The following VAV3 variants were observed in gnomAD, a reference collection of about 807,000 sequenced individuals.
VAV3 encodes the protein vav guanine nucleotide exchange factor 3.
VAV3 carries 94 observed loss-of-function variants against 131.2 expected under a neutral mutation model. The ratio of observed to expected loss-of-function variants is 0.72; its 90% confidence interval spans 0.61 to 0.85. The LOEUF (loss-of-function observed/expected upper bound fraction) is 0.85, where lower values mean the gene tolerates loss of function less well. Among genes scored for constraint, VAV3 ranks in the 40% least tolerant of loss-of-function variants. The pLI is 0.00. For missense variants in VAV3, 939 were observed against 1,002.7 expected (o/e 0.94, Z 0.86); for synonymous variants, 349 against 342.0 (o/e 1.02, Z -0.22).
At chr1:107,954,913 C>T (rs1275942288) in intron 1 of VAV3, among the ~76,000 whole-genome samples, 2 of 152,140 alleles carry the variant, frequency 1.3e-5, no homozygotes, top group African/African-American at 4.8e-5. Flanking sequence ...GTTACTAAAC[C>T]CCTCTTAGCT....
At chr1:107,704,205 C>T (rs527407278) in intron 17 of VAV3, among the ~76,000 whole-genome samples, 12 of 152,196 alleles carry the variant, frequency 7.9e-5, no homozygotes, top group African/African-American at 2.9e-4. Flanking sequence ...TATATTCTTT[C>T]TGTTGTTTTT....
chr1:107,962,151 C>G (rs934574211), intron 1 of VAV3, among the ~76,000 whole-genome samples: 1 of 152,192 alleles, frequency 6.6e-6, no homozygotes, highest in Non-Finnish European at 1.5e-5. Context: ...AAATTAATAT[C>G]TTCAACAGAA....
chr1:107,657,629 C>T (rs1656672669), intron 19 of VAV3, among the ~76,000 whole-genome samples: 1 of 152,122 alleles, frequency 6.6e-6, no homozygotes, highest in Non-Finnish European at 1.5e-5. Flanking sequence ...TCTAGCATGA[C>T]ACTACCACAG....
At chr1:107,763,095 TTCCTTCTA>T (rs1465677872) in intron 9 of VAV3, among the ~76,000 whole-genome samples, 1 of 152,224 alleles carries the variant, frequency 6.6e-6, no homozygotes, top group Non-Finnish European at 1.5e-5. Flanking sequence ...TAAGGTAGTT[TTCCTTCTA>T]TCATGCTGGG....
intron 4 of VAV3, among the ~76,000 whole-genome samples, chr1:107,773,735 C>T (rs958943711): frequency 1.3e-5 from 2 of 152,080 alleles, no homozygotes; most frequent in Non-Finnish European, 2.9e-5. Context: ...GGGGTTTAGG[C>T]GGCAATCTGG....
intron 1 of VAV3, among the ~76,000 whole-genome samples, chr1:107,911,815 G>A (rs1389449971): frequency 6.6e-6 from 1 of 152,182 alleles, no homozygotes; most frequent in African/African-American, 2.4e-5. Context: ...TAAACACTCT[G>A]ACCCACAAAT....
intron 20 of VAV3, among the ~76,000 whole-genome samples, chr1:107,624,533 G>A (rs1453533659): frequency 6.6e-6 from 1 of 151,988 alleles, no homozygotes; most frequent in Non-Finnish European, 1.5e-5. Flanking sequence ...GAAAGAATCA[G>A]GTTCTACCAT....
At chr1:107,690,829 C>T (rs1430684043) in intron 17 of VAV3, among the ~76,000 whole-genome samples, 4 of 152,116 alleles carry the variant, frequency 2.6e-5, no homozygotes, top group Non-Finnish European at 5.9e-5. Context: ...TCCTCATGGC[C>T]ACCACATTCA....
At position 107,855,088 on chromosome 1, in the gene VAV3, T is replaced by C. The variant is rs550403562; in HGVS notation, c.321+19813A>G. Among the ~76,000 whole-genome samples the C allele has an allele frequency of 3.3e-5, 5 of 152,254 alleles. No individual in the cohort carries two copies. The South Asian group carries it at 8.3e-4, about 25-fold the overall frequency. ...TTTTATGGGCCAGGTCTGGGAATGG[T>C]ACACATTACTGCTGCACACAATCCA... On this transcript the variant is annotated intron_variant, in intron 2 of 26. Transcript: ENST00000370056.
intron 2 of VAV3, among the ~76,000 whole-genome samples, chr1:107,814,134 G>A (rs1244366145): frequency 6.6e-6 from 1 of 152,044 alleles, no homozygotes; most frequent in Admixed American, 6.6e-5. Flanking sequence ...GTATTCCTTT[G>A]ATATACTTTT....
intron 2 of VAV3, among the ~76,000 whole-genome samples, chr1:107,852,124 G>A (rs938289971): frequency 1.3e-5 from 2 of 152,054 alleles, no homozygotes; most frequent in African/African-American, 2.4e-5. Context: ...CTAGAAGTTT[G>A]AATTGTTTAT....
At chr1:107,813,966 CAG>C (rs1491150502) in intron 2 of VAV3, among the ~76,000 whole-genome samples, 6 of 85,860 alleles carry the variant, frequency 7.0e-5, no homozygotes, top group South Asian at 4.6e-4. Flanking sequence ...AATAGTACTC[CAG>C]TGTGTGTGTG....
At chr1:107,866,101 C>T (rs1271994088) in intron 2 of VAV3, among the ~76,000 whole-genome samples, 2 of 152,156 alleles carry the variant, frequency 1.3e-5, no homozygotes, top group Non-Finnish European at 2.9e-5. Context: ...AAGGGGCCAG[C>T]TTCTAAAGTC....
chr1:107,613,906 G>C (rs532988029), intron 21 of VAV3, among the ~76,000 whole-genome samples: 2 of 152,230 alleles, frequency 1.3e-5, no homozygotes, highest in African/African-American at 4.8e-5. Flanking sequence ...ACCCAGACTG[G>C]AGTGCAGTGG....
intron 15 of VAV3, among the ~76,000 whole-genome samples, chr1:107,717,289 T>G (rs1033018924): frequency 2.6e-5 from 4 of 152,116 alleles, no homozygotes; most frequent in African/African-American, 7.2e-5. Flanking sequence ...GCTTTTGAAT[T>G]TGTTTGCTCT....
At chr1:107,826,445 C>T (rs1266359980) in intron 2 of VAV3, among the ~76,000 whole-genome samples, 1 of 152,016 alleles carries the variant, frequency 6.6e-6, no homozygotes, top group Admixed American at 6.6e-5. Flanking sequence ...TTGTAAACAG[C>T]GATAATAAGA....
chr1:107,695,738 G>A (rs2504464), intron 17 of VAV3, among the ~76,000 whole-genome samples: 131,019 of 152,156 alleles, frequency 0.86, 56,596 homozygotes, highest in Middle Eastern at 0.96. Context: ...CAGATTTCCA[G>A]AAGATGGCAT....
In VAV3 at chr1:107,683,888, CA is replaced by C. The variant is rs897874939; in HGVS notation, c.1732-356del. ...GGTTAGAATATGTTCCCAGCCAAGA[CA>C]TATGAGCAACAACAGCCTTAAACTG... On this transcript the variant is annotated intron_variant, in intron 18 of 26. Coordinates refer to ENST00000370056, the MANE Select transcript of VAV3 (RefSeq NM_006113.5). Among the ~76,000 whole-genome samples the C allele has an allele frequency of 3.3e-5, 5 of 152,304 alleles. No homozygotes were observed. The East Asian group carries it at 5.8e-4, about 18-fold the overall frequency.
chr1:107,586,000 G>C lies in VAV3; in HGVS notation c.2350+10212C>G, dbSNP rs188949777. Among the ~76,000 whole-genome samples, 91 of 152,218 alleles carry C rather than the reference G, an allele frequency of 6.0e-4. 1 individual carries two copies. The highest frequency in any genetic ancestry group is 5.8e-3 in the Admixed American group (89 of 15,286). On this transcript the variant is annotated intron_variant, in intron 25 of 26. Coordinates refer to ENST00000370056, the MANE Select transcript of VAV3 (RefSeq NM_006113.5). The stretch of plus-strand genomic sequence containing the variant: ...CCTGCTCTACCATTGAACTAACTCA[G>C]AAGTGATGAACCAGCTTTCTGCTAC...
Sources: gnomAD v4.1 joint callset for allele counts (sites outside exome capture counted in the v4.1 genomes callset) on GRCh38, gnomAD v4.1.1 for gene constraint, MANE v1.5 for transcripts, NCBI Gene and HGNC (gene_info 2026-07-23, HGNC 2026-07-21) for gene names.